Variants in TDRD7 observed in about 807,000 individuals in gnomAD.
The protein encoded by TDRD7 is tudor domain-containing protein 7.
Under a neutral mutation model 109.8 loss-of-function variants are expected in TDRD7, and 47 were observed. The observed-to-expected ratio is 0.43, with a 90% CI of 0.34 to 0.55. TDRD7 has a LOEUF of 0.55. TDRD7 is among the 20% of genes least tolerant of loss of function. The probability of loss-of-function intolerance (pLI) is 0.03; values close to 1 mark genes in which losing one functional copy is unlikely to be tolerated. For missense variants in TDRD7, 1,164 were observed against 1,319.2 expected (o/e 0.88, Z 1.82); for synonymous variants, 424 against 457.3 (o/e 0.93, Z 0.93).
At chr9:97,416,094 TTTTACTGCA>T (rs1329506594) in intron 1 of TDRD7, among the ~76,000 whole-genome samples, 2 of 152,168 alleles carry the variant, frequency 1.3e-5, no homozygotes, top group Non-Finnish European at 1.5e-5. Context: ...GCCTTCCAGG[TTTTACTGCA>T]TTTAACTGCT....
At chr9:97,431,337 T>A (rs537909196) in intron 3 of TDRD7, among the ~76,000 whole-genome samples, 1 of 152,214 alleles carries the variant, frequency 6.6e-6, no homozygotes, top group African/African-American at 2.4e-5. Flanking sequence ...TGTGTAGTTT[T>A]ATTTTTTTTA....
At chr9:97,424,440 G>A (rs896129817) in intron 1 of TDRD7, among the ~76,000 whole-genome samples, 4 of 152,138 alleles carry the variant, frequency 2.6e-5, no homozygotes, top group Admixed American at 6.5e-5. Context: ...AGTGTCCAAC[G>A]ATAATTGTGA....
rs1485282713 is a variant in TDRD7, at chr9:97,460,397, A to C, written c.1075A>C (p.Ser359Arg). The C allele has an allele frequency of 6.2e-7, 1 of 1,614,108 alleles. No individual in the cohort carries two copies. Among genetic ancestry groups the C allele is most frequent in the East Asian group, 2.2e-5 (1 of 44,878 alleles). ...GAAATACACAAGTGGCCTTTGGGCC[A>C]GTGCACTTCCGAAAGCATTTGAGGA... Reference protein sequence around the residue: ...LVKYTSGLWASALPKAFEEMY... With the variant: ...LVKYTSGLWARALPKAFEEMY... The change falls in exon 7 of 17, where the codon AGT (serine) becomes CGT (arginine). Residue 359 changes from serine (S) to arginine (R), a missense_variant. Physicochemically the swap from Ser to Arg is moderately radical, Grantham distance 110. Transcript: ENST00000355295.
chr9:97,422,337 A>G (rs1827913732), intron 1 of TDRD7, among the ~76,000 whole-genome samples: 1 of 152,222 alleles, frequency 6.6e-6, no homozygotes, highest in Non-Finnish European at 1.5e-5. Context: ...CAGAGGTTAC[A>G]GTGAGCCAAG....
In TDRD7 at chr9:97,495,860, A is replaced by G. The variant is rs1487977274; in HGVS notation, c.3274A>G (p.Ile1092Val). The G allele has an allele frequency of 6.2e-7, 1 of 1,614,042 alleles. No homozygotes were observed. Among genetic ancestry groups the G allele is most frequent in the Non-Finnish European group, 8.5e-7 (1 of 1,180,010 alleles). ...TCATGATTTTATGTCAGAGTATCTG[A>G]TAGAGCTTTCAAAAGTTAATTAATG... ...WIHDFMSEYL[I>V]ELSKVN Residue 1092 changes from isoleucine (I) to valine (V), a missense_variant, in exon 17 of 17, where the codon ATA becomes GTA. This residue lies in a region of TDRD7 where 162 missense variants were observed against 222.5 expected (regional missense o/e 0.73). Transcript: ENST00000355295.
intron 1 of TDRD7, among the ~76,000 whole-genome samples, chr9:97,417,852 C>T (rs1827836065): frequency 6.6e-6 from 1 of 152,194 alleles, no homozygotes; most frequent in African/African-American, 2.4e-5. Flanking sequence ...AAAGGCCAGG[C>T]ACGGTGGCTC....
Position 97,470,662 on chromosome 9 carries a change from G to A in TDRD7, c.1734G>A (p.Lys578=). The A allele has an allele frequency of 6.2e-7, 1 of 1,613,532 alleles. No homozygotes were observed. The highest frequency in any genetic ancestry group is 8.5e-7 in the Non-Finnish European group (1 of 1,179,698). ...CSLSFQATKC[K]LAGLEVLSDD... ...TCTCATTTCAAGCTACAAAATGTAA[G>A]CTTGCAGGTAAGAGGAACTTTTTAA... Residue 578 remains lysine (K), a synonymous_variant, in exon 9 of 17, where the codon AAG becomes AAA. Coordinates refer to ENST00000355295, the MANE Select transcript of TDRD7 (RefSeq NM_014290.3).
At chr9:97,421,720 G>A (rs1343046646) in intron 1 of TDRD7, among the ~76,000 whole-genome samples, 1 of 151,274 alleles carries the variant, frequency 6.6e-6, no homozygotes, top group African/African-American at 2.4e-5. Context: ...GTGTGTGTGT[G>A]TGTGTGTGTG....
rs767567053 is a variant in TDRD7 at position 97,473,523 on chromosome 9, C to G, written c.1976C>G (p.Thr659Ser). 2 of 1,613,714 alleles carry G rather than the reference C, an allele frequency of 1.2e-6. No individual in the cohort carries two copies. Among genetic ancestry groups the G allele is most frequent in the South Asian group, 1.1e-5 (1 of 91,086 alleles). The change falls in exon 11 of 17, where the codon ACT (threonine) becomes AGT (serine). Residue 659 changes from threonine to serine, a missense_variant. By Grantham distance (58) the Thr-to-Ser change is moderately conservative. Around this residue, in one of 5 missense-constraint regions of TDRD7, gnomAD observed 261 missense variants for 336.2 expected, o/e 0.78. Coordinates refer to ENST00000355295, the MANE Select transcript of TDRD7 (RefSeq NM_014290.3). ...GCCATGTACACAAATGTCAAAGTAA[C>G]TAATATTTGCTCTGATGGGACACTC... The part of the protein sequence containing the change: ...VDAMYTNVKV[T>S]NICSDGTLYC...
At chr9:97,472,110 A>C (rs558390876) in intron 9 of TDRD7, among the ~76,000 whole-genome samples, 183 bp from the exon 10 acceptor site, 51 of 152,260 alleles carry the variant, frequency 3.3e-4, no homozygotes, top group African/African-American at 1.2e-3. Flanking sequence ...GGGCGTTTAC[A>C]TTATATTTTT....
intron 8 of TDRD7, among the ~76,000 whole-genome samples, chr9:97,465,735 T>C (rs1328034454): frequency 1.3e-5 from 2 of 152,134 alleles, no homozygotes; most frequent in Non-Finnish European, 2.9e-5. Flanking sequence ...GTGTTACTTC[T>C]TTCTATCTTG....
intron 15 of TDRD7, among the ~76,000 whole-genome samples, chr9:97,486,220 C>T (rs1161327872): frequency 1.3e-5 from 2 of 152,184 alleles, no homozygotes; most frequent in African/African-American, 2.4e-5. Context: ...GCAGCAGAGA[C>T]CACCTCCATA....
At chr9:97,425,463 G>A (rs550448079) in intron 1 of TDRD7, among the ~76,000 whole-genome samples, 1 of 152,258 alleles carries the variant, frequency 6.6e-6, no homozygotes, top group South Asian at 2.1e-4. Context: ...TAGCCTGGGA[G>A]CAATAGGTTA....
chr9:97,487,214 G>A lies in TDRD7; in HGVS notation c.2958G>A (p.Leu986=). 6.2e-7 allele frequency: 1 copy of A among 1,613,960 alleles called. No individual in the cohort carries two copies. Among genetic ancestry groups the A allele is most frequent in the Non-Finnish European group, 8.5e-7 (1 of 1,179,922 alleles). The change falls in exon 16 of 17, where the codon CTG becomes CTA. Residue 986 remains leucine (L), a synonymous_variant. Transcript: ENST00000355295. ...VLLKGILTNG[L]VSVYELDYGK... is the part of the protein sequence containing the mutation. ...TAAAAGGAATCCTGACCAATGGACT[G>A]GTATCTGTGTATGAGCTGGATTATG...
chr9:97,486,923 C>T (rs1237500442), intron 15 of TDRD7, among the ~76,000 whole-genome samples: 1 of 152,194 alleles, frequency 6.6e-6, no homozygotes, highest in Admixed American at 6.5e-5. Context: ...CCTTCACTAA[C>T]TCCAGGGGCT....
intron 1 of TDRD7, among the ~76,000 whole-genome samples, chr9:97,419,186 A>G (rs932452733): frequency 6.6e-6 from 1 of 152,248 alleles, no homozygotes; most frequent in African/African-American, 2.4e-5. Context: ...ACAAAGATGC[A>G]AAGCCCAGTT....
intron 15 of TDRD7, among the ~76,000 whole-genome samples, chr9:97,485,092 T>G (rs1420393128): frequency 6.6e-6 from 1 of 152,222 alleles, no homozygotes; most frequent in East Asian, 1.9e-4. Flanking sequence ...TGTTTAGAAC[T>G]TCTGTCTTCC....
chr9:97,489,524 C>T (rs946282618), intron 16 of TDRD7, among the ~76,000 whole-genome samples: 8 of 152,108 alleles, frequency 5.3e-5, no homozygotes, highest in African/African-American at 1.4e-4. Context: ...TACTTTTACT[C>T]TATATGTGTC....
At chr9:97,462,662 T>G (rs1021109418) in intron 7 of TDRD7, among the ~76,000 whole-genome samples, 1 of 152,226 alleles carries the variant, frequency 6.6e-6, no homozygotes, top group African/African-American at 2.4e-5. Flanking sequence ...CATCTCTAAA[T>G]TGGCCTATCC....
Sources: allele counts gnomAD v4.1 joint callset (sites outside exome capture counted in the v4.1 genomes callset), GRCh38; gene constraint gnomAD v4.1.1; regional missense constraint gnomAD v4.1.1; transcripts MANE v1.5; gene names NCBI Gene and HGNC (gene_info 2026-07-23, HGNC 2026-07-21).